PFKFB3: variants seen among roughly 807,000 people sequenced by gnomAD.
PFKFB3 encodes 6-phosphofructo-2-kinase/fructose-2,6-bisphosphatase 3.
A neutral mutation model predicts 68.0 loss-of-function variants in PFKFB3; 33 were observed. The observed-to-expected ratio is 0.49, with a 90% CI of 0.37 to 0.65. The LOEUF (loss-of-function observed/expected upper bound fraction) is 0.65, where lower values mean the gene tolerates loss of function less well. Ranked by LOEUF, PFKFB3 falls within the 30% of genes least tolerant of loss-of-function variation. The pLI, the probability that PFKFB3 is intolerant of heterozygous loss-of-function variation, is 0.00. For synonymous variants in PFKFB3, 315 were observed against 288.2 expected (o/e 1.09, Z -0.94); for missense variants, 586 against 712.2 (o/e 0.82, Z 2.02).
At chr10:6,216,529 C>CG (rs147522693) in intron 4 of PFKFB3, among the ~76,000 whole-genome samples, 177 bp from the exon 5 acceptor site, 5,556 of 152,272 alleles carry the variant, frequency 0.036, 194 homozygotes, top group East Asian at 0.16. Context: ...TTGGTAGTTG[C>CG]GGGAGGCCTG....
intron 1 of PFKFB3, among the ~76,000 whole-genome samples, chr10:6,176,498 C>G (rs1322660173): frequency 6.6e-6 from 1 of 152,156 alleles, no homozygotes; most frequent in African/African-American, 2.4e-5. Context: ...ACCTCGAATC[C>G]TGGGCTCAAG....
chr10:6,206,230 T>C (rs1431524575), intron 1 of PFKFB3, among the ~76,000 whole-genome samples: 2 of 144,276 alleles, frequency 1.4e-5, no homozygotes, highest in Non-Finnish European at 3.0e-5. Flanking sequence ...CAACCCTGAG[T>C]GGACACAGCA....
chr10:6,222,972 G>A lies in PFKFB3; in HGVS notation c.1201G>A (p.Asp401Asn), dbSNP rs1845072476. The A allele has an allele frequency of 1.2e-6, 2 of 1,613,468 alleles. No individual in the cohort carries two copies. Among genetic ancestry groups the A allele is most frequent in the Non-Finnish European group, 8.5e-7 (1 of 1,179,672 alleles). The change falls in exon 11 of 15, where the codon GAT becomes AAT. Residue 401 changes from aspartate to asparagine, a missense_variant. By Grantham distance (23) the Asp-to-Asn change is conservative. Coordinates refer to ENST00000379775, the MANE Select transcript of PFKFB3 (RefSeq NM_004566.4). ...VLRCLLAYFL[D>N]KSAEEMPYLK... Reference sequence around the variant, plus strand: ...GCGCTGCCTGCTTGCCTACTTCCTGGATAAGAGTGCAGGTACCTCGGGCAG... The same window carrying A: ...GCGCTGCCTGCTTGCCTACTTCCTGAATAAGAGTGCAGGTACCTCGGGCAG...
the PFKFB3 span, among the ~76,000 whole-genome samples, chr10:6,326,260 A>G: frequency 2.6e-5 from 4 of 152,298 alleles, no homozygotes; most frequent in African/African-American, 9.6e-5. Context: ...AGGGAGGGGA[A>G]CATCACACAC....
chr10:6,153,242 G>A (rs145231803), intron 1 of PFKFB3, among the ~76,000 whole-genome samples: 10 of 152,324 alleles, frequency 6.6e-5, no homozygotes, highest in East Asian at 5.8e-4. Flanking sequence ...TTGAAAGGCC[G>A]ATGGGCTGCC....
At chr10:6,320,566 G>T in the PFKFB3 span, among the ~76,000 whole-genome samples, 1 of 152,048 alleles carries the variant, frequency 6.6e-6, no homozygotes, top group Non-Finnish European at 1.5e-5. Context: ...GAGACCACAG[G>T]TGCACACCAT....
At chr10:6,158,577 A>G (rs779454467) in intron 1 of PFKFB3, among the ~76,000 whole-genome samples, 14 of 152,160 alleles carry the variant, frequency 9.2e-5, no homozygotes, top group Non-Finnish European at 1.6e-4. Context: ...TGAAATTCAC[A>G]TACTTCGGCT....
In PFKFB3 at chr10:6,215,415, A is replaced by G; in HGVS notation, c.299+98A>G. On this transcript the variant is annotated intron_variant, in intron 3 of 14. Transcript: ENST00000379775. The surrounding 1 kb of genome is among the most constrained non-coding windows in gnomAD (Gnocchi z 4.3). ...AGGAGTAAGGCTGGGCCGCGGGCGT[A>G]GGGCTGGGCTGTGGGAATAAGGCTG... 2.3e-6 allele frequency: 2 copies of G among 866,392 alleles called. No individual in the cohort carries two copies. The highest frequency in any genetic ancestry group is 3.8e-6 in the Non-Finnish European group (2 of 531,266). The allele number at this position is 866,392 out of a possible 1,614,324, so 53.7% of individuals were successfully genotyped here.
At chr10:6,179,524 G>C (rs530223956) in intron 1 of PFKFB3, among the ~76,000 whole-genome samples, 2 of 152,158 alleles carry the variant, frequency 1.3e-5, no homozygotes. Flanking sequence ...TTTCCCTAGC[G>C]AGCCCCCCGG....
At chr10:6,197,191 G>A in intron 1 of PFKFB3, among the ~76,000 whole-genome samples, 1 of 151,994 alleles carries the variant, frequency 6.6e-6, no homozygotes, top group East Asian at 1.9e-4. Context: ...TGGTCAGGCT[G>A]GTCTCGAACT....
intron 1 of PFKFB3, among the ~76,000 whole-genome samples, chr10:6,204,707 G>T (rs908431150): frequency 6.6e-6 from 1 of 152,256 alleles, no homozygotes; most frequent in Non-Finnish European, 1.5e-5. Context: ...TGGTTCTCTT[G>T]TCTTTGTGTA....
chr10:6,189,876 A>T (rs904857138), intron 1 of PFKFB3, among the ~76,000 whole-genome samples: 13 of 152,052 alleles, frequency 8.5e-5, no homozygotes, highest in Middle Eastern at 3.4e-3. Context: ...CTATATGGTC[A>T]CTATTTTGTC....
chr10:6,310,942 T>A, the PFKFB3 span, among the ~76,000 whole-genome samples: 1 of 152,172 alleles, frequency 6.6e-6, no homozygotes, highest in African/African-American at 2.4e-5. Flanking sequence ...TTATCATATG[T>A]GAAGAATGCT....
rs770021872 is a variant in PFKFB3, at chr10:6,224,132, C to T, written c.1277-17C>T. The T allele has an allele frequency of 6.8e-6, 11 of 1,614,166 alleles. No individual in the cohort carries two copies. In the South Asian group the frequency reaches 1.2e-4, roughly 18 times the overall value. ...CTTTAACAGCAGCTTCCTCTGCCCC[C>T]ATCCCACGCCCTCCAGGCTGCCGTG... is the stretch of plus-strand genomic sequence containing the variant. On this transcript the variant is annotated splice_polypyrimidine_tract_variant and intron_variant, in intron 12 of 14. Coordinates refer to ENST00000379775, the MANE Select transcript of PFKFB3 (RefSeq NM_004566.4).
At chr10:6,325,383 G>A in the PFKFB3 span, among the ~76,000 whole-genome samples, 2 of 152,218 alleles carry the variant, frequency 1.3e-5, no homozygotes, top group Admixed American at 1.3e-4. Context: ...GTAATCACAA[G>A]CAGATTACAT....
At chr10:6,300,454 C>G in the PFKFB3 span, among the ~76,000 whole-genome samples, 1 of 152,168 alleles carries the variant, frequency 6.6e-6, no homozygotes, top group Non-Finnish European at 1.5e-5. Flanking sequence ...GGAAGGCTCC[C>G]CCATGCCCCC....
intron 1 of PFKFB3, among the ~76,000 whole-genome samples, chr10:6,146,767 G>A (rs978005372): frequency 3.9e-5 from 6 of 152,208 alleles, no homozygotes; most frequent in African/African-American, 1.4e-4. Flanking sequence ...TTATGACAGC[G>A]TATTTTAGTG....
the PFKFB3 span, among the ~76,000 whole-genome samples, chr10:6,261,673 A>G: frequency 6.6e-6 from 1 of 152,122 alleles, no homozygotes; most frequent in South Asian, 2.1e-4. Flanking sequence ...AGCCTGGCCA[A>G]CATGGTAAAA....
rs145448801 is a variant in PFKFB3 at position 6,220,805 on chromosome 10, C to T, written c.771C>T (p.Asn257=). ...RTIYLCRHGE[N]EHNLQGRIGG... ...TCTACCTGTGCCGGCACGGCGAGAA[C>T]GAGCACAACCTCCAGGGCCGCATCG... Residue 257 remains asparagine (N), a synonymous_variant, in exon 8 of 15, where the codon AAC becomes AAT. Transcript: ENST00000379775. This position sits in a 1 kb window ranked among gnomAD's most constrained non-coding sequence, Gnocchi z 4.1. 76 of 1,613,752 alleles carry T rather than the reference C, an allele frequency of 4.7e-5. No homozygotes were observed. Among genetic ancestry groups the T allele is most frequent in the South Asian group, 3.1e-4 (28 of 91,088 alleles).
Sources: allele counts gnomAD v4.1 joint callset (sites outside exome capture counted in the v4.1 genomes callset), GRCh38; gene constraint gnomAD v4.1.1; non-coding constraint Gnocchi (gnomAD v3.1); transcripts MANE v1.5; gene names NCBI Gene and HGNC (gene_info 2026-07-23, HGNC 2026-07-21).